Variants in CDH18 observed in about 807,000 individuals in gnomAD.
CDH18 encodes cadherin 18, also known as cadherin-18.
Under a neutral mutation model 67.9 loss-of-function variants are expected in CDH18, and 31 were observed. That is an observed-to-expected ratio of 0.46 (90% CI 0.34 to 0.62). CDH18 has a LOEUF of 0.62. Ranked by LOEUF, CDH18 falls within the 20% of genes least tolerant of loss-of-function variation. The pLI is 0.01. For synonymous variants in CDH18, 362 were observed against 347.2 expected (o/e 1.04, Z -0.48); for missense variants, 890 against 975.5 (o/e 0.91, Z 1.17).
intron 1 of CDH18, among the ~76,000 whole-genome samples, chr5:20,280,555 G>T (rs887883235): frequency 6.6e-6 from 1 of 152,162 alleles, no homozygotes; most frequent in Non-Finnish European, 1.5e-5. Flanking sequence ...TTTTATGGCT[G>T]CATAGTATTC....
chr5:20,571,904 C>G (rs1758841192), intron 1 of CDH18, among the ~76,000 whole-genome samples: 2 of 152,044 alleles, frequency 1.3e-5, no homozygotes, highest in Admixed American at 1.3e-4. Context: ...TTCATGGACT[C>G]ATTATTAAAT....
At chr5:19,737,787 C>T (rs1332861839) in intron 4 of CDH18, among the ~76,000 whole-genome samples, 1 of 152,214 alleles carries the variant, frequency 6.6e-6, no homozygotes, top group Non-Finnish European at 1.5e-5. Flanking sequence ...ATGATACAAA[C>T]AATTTTAATT....
intron 6 of CDH18, among the ~76,000 whole-genome samples, chr5:19,600,930 A>G (rs561162557): frequency 6.6e-6 from 1 of 152,338 alleles, no homozygotes; most frequent in Non-Finnish European, 1.5e-5. Context: ...CAGAGTTTTT[A>G]TAAGTTTAGC....
At chr5:19,714,115 C>T (rs1765056730) in intron 5 of CDH18, among the ~76,000 whole-genome samples, 1 of 152,086 alleles carries the variant, frequency 6.6e-6, no homozygotes, top group African/African-American at 2.4e-5. Context: ...TCTTTGTGTG[C>T]TTGTTGTCAC....
intron 1 of CDH18, among the ~76,000 whole-genome samples, chr5:20,512,298 T>G (rs1755085560): frequency 6.6e-6 from 1 of 152,164 alleles, no homozygotes; most frequent in South Asian, 2.1e-4. Flanking sequence ...TAATTTATAT[T>G]AGATTGCTTA....
rs55885279 is a variant in CDH18 at position 20,508,323 on chromosome 5, T to TTATATA, written c.-580+67133_-580+67138dup. On this transcript the variant is annotated intron_variant, in intron 1 of 14. Transcript: ENST00000507958. ...ACCTTACATAGTTTTATGACTATGA[T>TTATATA]TATATATATATATATATATATATAT... Among the ~76,000 whole-genome samples, 513 of 110,922 alleles carry TTATATA rather than the reference T, an allele frequency of 4.6e-3. 4 individuals carry two copies. Among genetic ancestry groups the TTATATA allele is most frequent in the Non-Finnish European group, 6.3e-3 (337 of 53,378 alleles). The allele number at this position is 110,922 out of a possible 152,430, so 72.8% of individuals were successfully genotyped here. A position where few individuals can be genotyped will look rare whatever the true frequency, so the allele number is the denominator to read the frequency against.
chr5:19,947,604 A>T (rs1411690309), intron 2 of CDH18, among the ~76,000 whole-genome samples: 2 of 133,122 alleles, frequency 1.5e-5, no homozygotes, highest in African/African-American at 7.3e-5. Context: ...AAAAAAAAAA[A>T]AAAAAAAAAA....
intron 1 of CDH18, among the ~76,000 whole-genome samples, chr5:20,289,263 A>G (rs1746925868): frequency 6.6e-6 from 1 of 152,042 alleles, no homozygotes; most frequent in Non-Finnish European, 1.5e-5. Flanking sequence ...TGCTTTACAA[A>G]TGAGAATTAT....
chr5:20,370,397 A>G lies in CDH18; in HGVS notation c.-579-114892T>C, dbSNP rs142688019. 1.5e-3 allele frequency among the ~76,000 whole-genome samples: 233 copies of G among 151,932 alleles called. 1 individual carries two copies. Among genetic ancestry groups the G allele is most frequent in the African/African-American group, 5.5e-3 (226 of 41,348 alleles). On this transcript the variant is annotated intron_variant, in intron 1 of 14. Transcript: ENST00000507958. ...GAGTTATTCTACAGTTGTTATTATC[A>G]CTTTAGAGAATAGATAACTGAAACT...
intron 2 of CDH18, among the ~76,000 whole-genome samples, chr5:20,084,233 A>T (rs1388341057): frequency 6.6e-6 from 1 of 152,238 alleles, no homozygotes; most frequent in Non-Finnish European, 1.5e-5. Flanking sequence ...AAGGGGCTAC[A>T]GGTCCCATGC....
intron 1 of CDH18, among the ~76,000 whole-genome samples, chr5:20,500,447 G>T (rs1429538113): frequency 1.3e-5 from 2 of 152,084 alleles, no homozygotes; most frequent in Admixed American, 1.3e-4. Flanking sequence ...ACTAATTATA[G>T]GAGTGAATTG....
At chr5:20,233,385 G>A (rs1742226590) in intron 2 of CDH18, among the ~76,000 whole-genome samples, 1 of 151,442 alleles carries the variant, frequency 6.6e-6, no homozygotes, top group East Asian at 1.9e-4. Flanking sequence ...CATACCAAAA[G>A]AGTTTGAAAT....
intron 11 of CDH18, among the ~76,000 whole-genome samples, chr5:19,489,464 G>T (rs552169695): frequency 1.3e-4 from 19 of 151,924 alleles, no homozygotes; most frequent in Admixed American, 2.6e-4. Flanking sequence ...GGCCAGGCTG[G>T]TCTCAAACTC....
At chr5:19,733,499 T>C (rs544485307) in intron 4 of CDH18, among the ~76,000 whole-genome samples, 2 of 152,220 alleles carry the variant, frequency 1.3e-5, no homozygotes, top group East Asian at 1.9e-4. Context: ...GGTCACTCAA[T>C]AAAATTCTCT....
intron 1 of CDH18, among the ~76,000 whole-genome samples, chr5:20,455,763 A>G (rs1260477116): frequency 6.6e-6 from 1 of 152,122 alleles, no homozygotes; most frequent in East Asian, 1.9e-4. Context: ...GTCTTTACAT[A>G]GAGCAATAGT....
intron 3 of CDH18, among the ~76,000 whole-genome samples, chr5:19,761,121 C>T (rs1156848592): frequency 6.6e-6 from 1 of 152,130 alleles, no homozygotes; most frequent in Non-Finnish European, 1.5e-5. Flanking sequence ...GTCGTGCATG[C>T]ATCTTTCACT....
At chr5:20,228,242 C>T (rs1741791740) in intron 2 of CDH18, among the ~76,000 whole-genome samples, 1 of 151,936 alleles carries the variant, frequency 6.6e-6, no homozygotes, top group Non-Finnish European at 1.5e-5. Flanking sequence ...TCTCCTTGAA[C>T]ATTTATTTTG....
At chr5:19,964,973 T>C (rs1222762884) in intron 2 of CDH18, among the ~76,000 whole-genome samples, 1 of 152,142 alleles carries the variant, frequency 6.6e-6, no homozygotes, top group Non-Finnish European at 1.5e-5. Flanking sequence ...AATGATGTAT[T>C]ATCAGGTGCA....
intron 2 of CDH18, among the ~76,000 whole-genome samples, chr5:19,884,665 G>T (rs897197980): frequency 4.0e-5 from 6 of 151,662 alleles, no homozygotes; most frequent in Admixed American, 3.3e-4. Flanking sequence ...TAATATAAAC[G>T]TTTTAAATAC....
Sources: gnomAD v4.1 joint callset for allele counts (sites outside exome capture counted in the v4.1 genomes callset) on GRCh38, gnomAD v4.1.1 for gene constraint, MANE v1.5 for transcripts, NCBI Gene and HGNC (gene_info 2026-07-23, HGNC 2026-07-21) for gene names.